Variants in ADPRHL1 observed in about 807,000 individuals in gnomAD.
ADPRHL1 encodes the protein inactive ADP-ribosyltransferase ARH2.
ADPRHL1 carries 43 observed loss-of-function variants against 44.1 expected under a neutral mutation model. The ratio of observed to expected loss-of-function variants is 0.98; its 90% CI spans 0.76 to 1.26. The LOEUF (loss-of-function observed/expected upper bound fraction) is 1.26. Among genes scored for constraint, ADPRHL1 ranks in the 50% most tolerant of loss-of-function variants. ADPRHL1 has a pLI of 0.00. For missense variants in ADPRHL1, 2,022 were observed against 2,496.9 expected (o/e 0.81, Z 4.05); for synonymous variants, 878 against 1,017.4 (o/e 0.86, Z 2.61).
rs1410003724 is a variant in ADPRHL1, at chr13:113,435,083, G to C, written c.380-1216C>G. On this transcript the variant is annotated intron_variant, in intron 2 of 7. Transcript: ENST00000612156. ...GCACCCAGGTGTAGAGTGAACATAG[G>C]TGTACCCTGGGACCCAGCACCCAGG... Among the ~76,000 whole-genome samples, 58 of 139,206 alleles carry C rather than the reference G, an allele frequency of 4.2e-4. 1 individual carries two copies. Among genetic ancestry groups the C allele is most frequent in the Non-Finnish European group, 6.7e-4 (43 of 63,924 alleles). The allele number at this position is 139,206 out of a possible 152,430, so 91.3% of individuals were successfully genotyped here.
Position 113,407,480 on chromosome 13 carries a change from G to A in ADPRHL1, c.1802C>T (p.Thr601Ile). 1 of 1,232,110 alleles carries A rather than the reference G, an allele frequency of 8.1e-7. No homozygotes were observed. Among genetic ancestry groups the A allele is most frequent in the Non-Finnish European group, 1.0e-6 (1 of 988,052 alleles). The allele number at this position is 1,232,110 out of a possible 1,614,324, so 76.3% of individuals were successfully genotyped here. ...GCGGGCAGGGGGCATCTTGACGCAG[G>A]TGCTGGCCATGGTGGCCGTGTGCAG... Reference protein sequence around the residue: ...RVLHTATMASTCVKMPPARFL... With the variant: ...RVLHTATMASICVKMPPARFL... The change falls in exon 8 of 8, where the codon ACC becomes ATC. Residue 601 changes from threonine (T) to isoleucine (I), a missense_variant. This residue lies in a region of ADPRHL1 where 1,221 missense variants were observed against 1,517.8 expected (regional missense o/e 0.80). Coordinates refer to ENST00000612156, the MANE Select transcript of ADPRHL1 (RefSeq NM_001394807.1).
At chr13:113,412,008 C>A (rs988966394) in intron 7 of ADPRHL1, among the ~76,000 whole-genome samples, 1 of 152,180 alleles carries the variant, frequency 6.6e-6, no homozygotes, top group African/African-American at 2.4e-5. Context: ...CCCAGAGGTG[C>A]TGCTGTCTTT....
At chr13:113,420,382 T>C (rs2043909289) in intron 7 of ADPRHL1, among the ~76,000 whole-genome samples, 1 of 151,896 alleles carries the variant, frequency 6.6e-6, no homozygotes, top group South Asian at 2.1e-4. Flanking sequence ...GGAGACCGAG[T>C]CCACCCTGTT....
chr13:113,444,586 T>C lies in ADPRHL1; in HGVS notation c.218A>G (p.Tyr73Cys). ...CCGGTACAGATCATCCAGGCACCAG[T>C]AGTCTGCGGAAGAAAGGGAGGGCAG... ...IATAEALTTD[Y>C]WCLDDLYREM... is the part of the protein sequence containing the mutation. Residue 73 changes from tyrosine (Y) to cysteine (C), a missense_variant, in exon 2 of 8, where the codon TAC (tyrosine) becomes TGC (cysteine). Tyr to Cys is a radical substitution (Grantham distance 194). This residue lies in a region of ADPRHL1 where 437 missense variants were observed against 430.7 expected (regional missense o/e 1.01). Transcript: ENST00000612156. The C allele has an allele frequency of 6.2e-7, 1 of 1,613,368 alleles. No individual in the cohort carries two copies. Among genetic ancestry groups the C allele is most frequent in the Non-Finnish European group, 8.5e-7 (1 of 1,179,502 alleles).
rs114763575 is a variant in ADPRHL1 at position 113,405,221 on chromosome 13, C to T, written c.4061G>A (p.Arg1354Gln). 4.5e-5 allele frequency: 55 copies of T among 1,231,772 alleles called. No individual in the cohort carries two copies. The highest frequency in any genetic ancestry group is 2.1e-4 in the South Asian group (5 of 24,326). The allele number at this position is 1,231,772 out of a possible 1,614,324, so 76.3% of individuals were successfully genotyped here. Reference protein sequence around the residue: ...PTAGDTQAKLRASVPEPRTQA... With the variant: ...PTAGDTQAKLQASVPEPRTQA... ...CGTCCTAGGCTCGGGGACACTGGCCCGGAGCTTTGCCTGTGTGTCACCAGC... is the reference window on the plus strand; with the variant it reads ...CGTCCTAGGCTCGGGGACACTGGCCTGGAGCTTTGCCTGTGTGTCACCAGC... Residue 1354 changes from arginine (R) to glutamine (Q), a missense_variant, in exon 8 of 8, where the codon CGG (arginine) becomes CAG (glutamine). By Grantham distance (43) the Arg-to-Gln change is conservative. Coordinates refer to ENST00000612156, the MANE Select transcript of ADPRHL1 (RefSeq NM_001394807.1).
rs540894541 is a variant in ADPRHL1 at position 113,441,947 on chromosome 13, C to T, written c.379+2478G>A. Among the ~76,000 whole-genome samples, 163 of 152,336 alleles carry T rather than the reference C, an allele frequency of 1.1e-3. 1 individual carries two copies. Among genetic ancestry groups the T allele is most frequent in the African/African-American group, 3.6e-3 (149 of 41,584 alleles). On this transcript the variant is annotated intron_variant, in intron 2 of 7. Coordinates refer to ENST00000612156, the MANE Select transcript of ADPRHL1 (RefSeq NM_001394807.1). The surrounding 1 kb of genome is among the most constrained non-coding windows in gnomAD (Gnocchi z 6.0). The stretch of plus-strand genomic sequence containing the variant: ...ACCGTGCTGGTCCGTGTCTCTGTCA[C>T]GTTGTGTCCCGCCACGCGGCGTCCG...
At chr13:113,437,995 T>C (rs1566479396) in intron 2 of ADPRHL1, among the ~76,000 whole-genome samples, 1 of 152,046 alleles carries the variant, frequency 6.6e-6, no homozygotes, top group Non-Finnish European at 1.5e-5. Flanking sequence ...CATGCCTGGC[T>C]AGTTTTTGTA....
chr13:113,420,240 G>A (rs1394081256), intron 7 of ADPRHL1, among the ~76,000 whole-genome samples: 2 of 152,154 alleles, frequency 1.3e-5, no homozygotes, highest in Admixed American at 1.3e-4. Flanking sequence ...CTCTGTAACA[G>A]GAAAGTGAAG....
intron 7 of ADPRHL1, among the ~76,000 whole-genome samples, chr13:113,421,250 A>C (rs1413663955): frequency 2.6e-3 from 7 of 2,714 alleles, no homozygotes; most frequent in Non-Finnish European, 4.5e-3. Flanking sequence ...GGACACGCCC[A>C]CCCCAGGGAC....
chr13:113,404,355 G>T lies in ADPRHL1; in HGVS notation c.4927C>A (p.Gln1643Lys), dbSNP rs933848003. Residue 1643 changes from glutamine (Q) to lysine (K), a missense_variant, in exon 8 of 8, where the codon CAG becomes AAG. This residue lies in a region of ADPRHL1 where 78 missense variants were observed against 76.5 expected (regional missense o/e 1.02). Transcript: ENST00000612156. Reference protein sequence around the residue: ...QKGAQERVQGQAQKGAQERAQ... With the variant: ...QKGAQERVQGKAQKGAQERAQ... ...CGTTCCTGAGCCCCTTTCTGGGCCT[G>T]ACCCTGAACCCGTTCCTGAGCCCCT... 12 of 1,331,488 alleles carry T rather than the reference G, an allele frequency of 9.0e-6. No individual in the cohort carries two copies. The African/African-American group carries it at 1.7e-4, about 19-fold the overall frequency. 82.5% of individuals were successfully genotyped at this position (1,331,488 alleles called of 1,614,324 possible).
At position 113,435,932 on chromosome 13, in the gene ADPRHL1, G is replaced by A. The variant is rs1332585389; in HGVS notation, c.380-2065C>T. Among the ~76,000 whole-genome samples the A allele has an allele frequency of 3.4e-5, 5 of 147,332 alleles. No homozygotes were observed. The East Asian group carries it at 8.4e-4, about 25-fold the overall frequency. On this transcript the variant is annotated intron_variant, in intron 2 of 7. Coordinates refer to ENST00000612156, the MANE Select transcript of ADPRHL1 (RefSeq NM_001394807.1). ...TGTAGGGTGAACATAGGTGTACCCC[G>A]GGACCTGGCACCCAGGTGCAGGGTG...
rs772865696 is a variant in ADPRHL1, at chr13:113,429,090, A to G, written c.508T>C (p.Phe170Leu). The change falls in exon 4 of 8, where the codon TTC (phenylalanine) becomes CTC (leucine). Residue 170 changes from phenylalanine (F) to leucine (L), a missense_variant and splice_region_variant. Phe to Leu is a conservative substitution (Grantham distance 22). This residue lies in a region of ADPRHL1 where 437 missense variants were observed against 430.7 expected (regional missense o/e 1.01). Coordinates refer to ENST00000612156, the MANE Select transcript of ADPRHL1 (RefSeq NM_001394807.1). Reference protein sequence around the residue: ...GRMTHNHPTGFLGSLCTALFV... With the variant: ...GRMTHNHPTGLLGSLCTALFV... ...AGGGCCGTGCACAGGGAGCCCAGGA[A>G]GCCTGGAGGGCAGGGAAGAGAGAGG... 4.4e-6 allele frequency: 7 copies of G among 1,603,064 alleles called. No homozygotes were observed. Among genetic ancestry groups the G allele is most frequent in the Non-Finnish European group, 6.0e-6 (7 of 1,175,692 alleles).
Position 113,441,667 on chromosome 13 carries a change from C to G in ADPRHL1, c.379+2758G>C, listed in dbSNP as rs1352529875. ...ATGTTTTAAAATCTTACACATTTCC[C>G]CATACAGTTACCATTTCTGTAACAC... On this transcript the variant is annotated intron_variant, in intron 2 of 7. Coordinates refer to ENST00000612156, the MANE Select transcript of ADPRHL1 (RefSeq NM_001394807.1). The surrounding 1 kb of genome is among the most constrained non-coding windows in gnomAD (Gnocchi z 6.0). 6.6e-6 allele frequency among the ~76,000 whole-genome samples: 1 copy of G among 152,100 alleles called. No individual in the cohort carries two copies. Among genetic ancestry groups the G allele is most frequent in the Non-Finnish European group, 1.5e-5 (1 of 67,988 alleles).
chr13:113,428,830 G>C (rs1209670179), intron 4 of ADPRHL1, 122 bp downstream of exon 4: 15 of 1,463,032 alleles, frequency 1.0e-5, no homozygotes, highest in Non-Finnish European at 1.2e-5. Flanking sequence ...ACATGGCCCG[G>C]ACAGGGCCCT....
At position 113,405,434 on chromosome 13, in the gene ADPRHL1, C is replaced by A; in HGVS notation, c.3848G>T (p.Gly1283Val). The A allele has an allele frequency of 8.1e-7, 1 of 1,232,004 alleles. No individual in the cohort carries two copies. Among genetic ancestry groups the A allele is most frequent in the Non-Finnish European group, 1.0e-6 (1 of 988,182 alleles). 76.3% of individuals were successfully genotyped at this position (1,232,004 alleles called of 1,614,324 possible). A position where few individuals can be genotyped will look rare whatever the true frequency, so the allele number is the denominator to read the frequency against. The change falls in exon 8 of 8, where the codon GGC (glycine) becomes GTC (valine). Residue 1283 changes from glycine (G) to valine (V), a missense_variant. This residue lies in a region of ADPRHL1 where 1,221 missense variants were observed against 1,517.8 expected (regional missense o/e 0.80). Coordinates refer to ENST00000612156, the MANE Select transcript of ADPRHL1 (RefSeq NM_001394807.1). ...ARSVAESPSY[G>V]PGLPPSPPEN... Reference sequence around the variant, plus strand: ...AGGAGGCGACGGCGGGAGGCCAGGGCCATAGCTGGGGGACTCTGCCACGCT... The same window carrying A: ...AGGAGGCGACGGCGGGAGGCCAGGGACATAGCTGGGGGACTCTGCCACGCT...
Position 113,407,070 on chromosome 13 carries a change from C to A in ADPRHL1, c.2212G>T (p.Ala738Ser). Reference protein sequence around the residue: ...GPASPWGTGSAGGDGTADPTA... With the variant: ...GPASPWGTGSSGGDGTADPTA... ...GGGTCTGCAGTCCCATCACCTCCGG[C>A]TGATCCGGTGCCCCAAGGGCTGGCC... The change falls in exon 8 of 8, where the codon GCC becomes TCC. Residue 738 changes from alanine (A) to serine (S), a missense_variant. This residue lies in a region of ADPRHL1 where 1,221 missense variants were observed against 1,517.8 expected (regional missense o/e 0.80). Transcript: ENST00000612156. 1.6e-6 allele frequency: 2 copies of A among 1,232,290 alleles called. No homozygotes were observed. The highest frequency in any genetic ancestry group is 2.0e-6 in the Non-Finnish European group (2 of 988,100). The allele number at this position is 1,232,290 out of a possible 1,614,324, so 76.3% of individuals were successfully genotyped here.
At chr13:113,423,838 C>T (rs1365067527) in intron 6 of ADPRHL1, among the ~76,000 whole-genome samples, 1 of 152,178 alleles carries the variant, frequency 6.6e-6, no homozygotes, top group Non-Finnish European at 1.5e-5. Flanking sequence ...GGAATGGAAC[C>T]CTGTGAAGGT....
In ADPRHL1 at chr13:113,453,173, A is replaced by T; in HGVS notation, c.214+51T>A. ...GGAGGCTTACTGGGAGAACTCGAGCAGCCAGTGTTCCCTCCAGCCCGCACA... is the reference window on the plus strand; with the variant it reads ...GGAGGCTTACTGGGAGAACTCGAGCTGCCAGTGTTCCCTCCAGCCCGCACA... On this transcript the variant is annotated intron_variant, in intron 1 of 7. Coordinates refer to ENST00000612156, the MANE Select transcript of ADPRHL1 (RefSeq NM_001394807.1). The surrounding 1 kb of genome is among the most constrained non-coding windows in gnomAD (Gnocchi z 5.4). 1 of 1,596,052 alleles carries T rather than the reference A, an allele frequency of 6.3e-7. No homozygotes were observed. Among genetic ancestry groups the T allele is most frequent in the South Asian group, 1.1e-5 (1 of 90,640 alleles).
chr13:113,436,914 A>G (rs1353483020), intron 2 of ADPRHL1, among the ~76,000 whole-genome samples: 9 of 117,942 alleles, frequency 7.6e-5, no homozygotes, highest in East Asian at 3.0e-4. Flanking sequence ...CAGCACCCAC[A>G]CGTAGAGTGA....
Sources: allele counts gnomAD v4.1 joint callset (sites outside exome capture counted in the v4.1 genomes callset), GRCh38; gene constraint gnomAD v4.1.1; regional missense constraint gnomAD v4.1.1; non-coding constraint Gnocchi (gnomAD v3.1); transcripts MANE v1.5; gene names NCBI Gene and HGNC (gene_info 2026-07-23, HGNC 2026-07-21).